CCNL1: variants seen among roughly 807,000 people sequenced by gnomAD.
CCNL1 encodes the protein cyclin L1.
In CCNL1, 13 loss-of-function variants were observed where a neutral mutation model predicts 60.6. The observed-to-expected ratio is 0.21, with a 90% confidence interval of 0.14 to 0.34. CCNL1 has a LOEUF of 0.34. Ranked by LOEUF, CCNL1 falls within the 10% of genes least tolerant of loss-of-function variation. The pLI, the probability that CCNL1 is intolerant of heterozygous loss-of-function variation, is 1.00. For missense variants in CCNL1, 481 were observed against 664.3 expected (o/e 0.72, Z 3.03); for synonymous variants, 270 against 244.3 (o/e 1.10, Z -0.98).
intron 10 of CCNL1, 75 bp downstream of exon 10, chr3:157,149,212 T>C (rs1737983584): frequency 8.3e-7 from 1 of 1,198,182 alleles, no homozygotes; most frequent in South Asian, 1.3e-5. Context: ...TAATCTATGT[T>C]CAATTTTTAA....
At position 157,158,963 on chromosome 3, in the gene CCNL1, C is replaced by A. The variant is rs1199261437; in HGVS notation, c.391G>T (p.Ala131Ser). 3.1e-6 allele frequency: 5 copies of A among 1,609,872 alleles called. No individual in the cohort carries two copies. In the East Asian group the frequency reaches 6.7e-5, roughly 22 times the overall value. The change falls in exon 3 of 11, where the codon GCT (alanine) becomes TCT (serine). Residue 131 changes from alanine (A) to serine (S), a missense_variant. Physicochemically the swap from Ala to Ser is moderately conservative, Grantham distance 99. Transcript: ENST00000295926. Reference protein sequence around the residue: ...VKHSFEIVAMACINLASKIEE... With the variant: ...VKHSFEIVAMSCINLASKIEE... ...ATTTTTGATGCAAGATTAATACAAG[C>A]CATAGCAACAATCTGAAAGAACCCA...
At chr3:157,146,483 CAAAGATTAGGGACATAAGT>C, downstream of CCNL1, 1 of 445,292 alleles carries the variant, frequency 2.2e-6, no homozygotes, top group Non-Finnish European at 4.5e-6. Context: ...TATTTCCAAG[CAAAGATTAGGGACATAAGT>C]AATTTCAACA....
intron 3 of CCNL1, 51 bp downstream of exon 3, chr3:157,158,815 G>T: frequency 1.7e-6 from 2 of 1,151,872 alleles, no homozygotes; most frequent in Non-Finnish European, 2.6e-6. Flanking sequence ...GATGACTGGT[G>T]CACGGTACAG....
chr3:157,148,374 T>C lies in CCNL1; in HGVS notation c.1448A>G (p.Asp483Gly). 6.2e-7 allele frequency: 1 copy of C among 1,614,220 alleles called. No homozygotes were observed. Among genetic ancestry groups the C allele is most frequent in the Non-Finnish European group, 8.5e-7 (1 of 1,180,038 alleles). Residue 483 changes from aspartate to glycine, a missense_variant, in exon 11 of 11, where the codon GAT becomes GGT. Coordinates refer to ENST00000295926, the MANE Select transcript of CCNL1 (RefSeq NM_020307.4). ...TTCATGCCTGTGTTTCTTGGCTGCA[T>C]CTGAGTGATCCCGAGACTTGCTCTG... is the stretch of plus-strand genomic sequence containing the variant. ...RSQSKSRDHS[D>G]AAKKHRHERG...
In CCNL1 at chr3:157,148,292, T is replaced by C. The variant is rs761969024; in HGVS notation, c.1530A>G (p.Lys510=). The part of the protein sequence containing the change: ...ERSRSFERSH[K]SKHHGGSRSG... Reference sequence around the variant, plus strand: ...AGCGACTGCCACCATGGTGCTTGCTTTTATGGGACCTCTCAAAGGAGCGAG... The same window carrying C: ...AGCGACTGCCACCATGGTGCTTGCTCTTATGGGACCTCTCAAAGGAGCGAG... Residue 510 remains lysine (K), a synonymous_variant, in exon 11 of 11, where the codon AAA becomes AAG. Transcript: ENST00000295926. The C allele has an allele frequency of 1.2e-6, 2 of 1,614,192 alleles. No individual in the cohort carries two copies. The highest frequency in any genetic ancestry group is 2.2e-5 in the South Asian group (2 of 91,082).
downstream of CCNL1, among the ~76,000 whole-genome samples, chr3:157,143,698 C>A (rs181778335): frequency 5.9e-5 from 9 of 152,230 alleles, no homozygotes; most frequent in African/African-American, 2.2e-4. Context: ...GAGAGGCTTA[C>A]TTAGAAGGGG....
downstream of CCNL1, among the ~76,000 whole-genome samples, chr3:157,144,416 G>GTT (rs1305958086): frequency 1.3e-5 from 2 of 152,216 alleles, no homozygotes; most frequent in African/African-American, 4.8e-5. Flanking sequence ...ACAAAATGTT[G>GTT]TAAGGGCCAG....
chr3:157,159,855 CGTCTCACTGGGCAG>C lies in CCNL1; in HGVS notation c.226_239del (p.Leu76GlyfsTer54), dbSNP rs1560204340. 6.4e-7 allele frequency: 1 copy of C among 1,574,508 alleles called. No individual in the cohort carries two copies. Among genetic ancestry groups the C allele is most frequent in the South Asian group, 1.2e-5 (1 of 86,454 alleles). ...GCTCGCAGCCCAGGATGCGTAAGTC[CGTCTCACTGGGCAG>C]GTCGAGCCCATCCTGCATGGATGGG... On this transcript the variant is annotated frameshift_variant, in exon 1 of 11. Transcript: ENST00000295926. LOFTEE classifies it high-confidence loss of function.
At chr3:157,150,687 A>T in intron 5 of CCNL1, 1 of 1,067,186 alleles carries the variant, frequency 9.4e-7, no homozygotes, top group South Asian at 3.5e-5. Flanking sequence ...TGCTTTTCAA[A>T]GTCAATTCTG....
At chr3:157,159,531 A>G (rs1488453094) in intron 1 of CCNL1, 52 bp from the exon 2 acceptor site, 23 of 1,516,732 alleles carry the variant, frequency 1.5e-5, no homozygotes, top group Non-Finnish European at 2.1e-5. Context: ...GGCCCGCTCC[A>G]GGCGCCGCCG....
chr3:157,159,514 T>TCAGGCGGGCCCGCTCCAGGCGC, intron 1 of CCNL1, 35 bp from the exon 2 acceptor site: 1 of 1,586,026 alleles, frequency 6.3e-7, no homozygotes, highest in Non-Finnish European at 8.6e-7. Flanking sequence ...AGCGCAGGGG[T>TCAGGCGGGCCCGCTCCAGGCGC]CAGGCGGGCC....
At chr3:157,146,359 C>A, downstream of CCNL1, 1 of 260,390 alleles carries the variant, frequency 3.8e-6, no homozygotes, top group Non-Finnish European at 7.7e-6. Flanking sequence ...AGATCTTTGC[C>A]TAGCCCACAA....
At position 157,158,930 on chromosome 3, in the gene CCNL1, C is replaced by T; in HGVS notation, c.424G>A (p.Ala142Thr). Residue 142 changes from alanine to threonine, a missense_variant, in exon 3 of 11, where the codon GCA becomes ACA. By Grantham distance (58) the Ala-to-Thr change is moderately conservative (BLOSUM62 0). This residue lies in a region of CCNL1 where 130 missense variants were observed against 174.5 expected (regional missense o/e 0.75). Transcript: ENST00000295926. ...CINLASKIEE[A>T]PRRIRDVINV... The stretch of plus-strand genomic sequence containing the variant: ...ATCACATCTCTTATTCTTCTAGGTG[C>T]TTCTTCGATTTTTGATGCAAGATTA... 1.9e-6 allele frequency: 3 copies of T among 1,613,544 alleles called. No individual in the cohort carries two copies. The highest frequency in any genetic ancestry group is 2.5e-6 in the Non-Finnish European group (3 of 1,179,804).
At chr3:157,143,666 T>C (rs1179779965), downstream of CCNL1, among the ~76,000 whole-genome samples, 1 of 152,110 alleles carries the variant, frequency 6.6e-6, no homozygotes, top group Non-Finnish European at 1.5e-5. Flanking sequence ...GGCTAAGGGA[T>C]AGAATATGAT....
Position 157,160,015 on chromosome 3 carries a change from G to A in CCNL1, c.80C>T (p.Ser27Phe), listed in dbSNP as rs1197860380. The change falls in exon 1 of 11, where the codon TCC becomes TTC. Residue 27 changes from serine (S) to phenylalanine (F), a missense_variant. Ser to Phe is a radical substitution (Grantham distance 155). Around this residue, in one of 5 missense-constraint regions of CCNL1, gnomAD observed 65 missense variants for 57.5 expected, o/e 1.13. Transcript: ENST00000295926. ...SAAPSAGGSS[S>F]GTTTTTTTTT... ...GGTCGTCGTCGTGGTCGTCGTCCCG[G>A]AGCTGGAGCCGCCCGCGCTTGGGGC... 6.4e-7 allele frequency: 1 copy of A among 1,571,532 alleles called. No individual in the cohort carries two copies. Among genetic ancestry groups the A allele is most frequent in the East Asian group, 2.4e-5 (1 of 42,444 alleles).
intron 5 of CCNL1, chr3:157,151,375 C>G: frequency 1.0e-6 from 1 of 985,858 alleles, no homozygotes; most frequent in Non-Finnish European, 1.2e-6. Flanking sequence ...TAAGCCAGCA[C>G]TCCAAATCAC....
chr3:157,145,579 A>C (rs1737763092), downstream of CCNL1, among the ~76,000 whole-genome samples: 1 of 152,028 alleles, frequency 6.6e-6, no homozygotes, highest in South Asian at 2.1e-4. Flanking sequence ...CAGAGAACAG[A>C]GGGAAAAACA....
rs536910901 is a variant in CCNL1, at chr3:157,155,673, A to G, written c.489-2517T>C. ...AGATTACTTTGTATCATAAATTTAA[A>G]AAATATATCTCCATCAATCAGCAGT... On this transcript the variant is annotated intron_variant, in intron 3 of 10. Coordinates refer to ENST00000295926, the MANE Select transcript of CCNL1 (RefSeq NM_020307.4). 2.0e-5 allele frequency among the ~76,000 whole-genome samples: 3 copies of G among 152,280 alleles called. No individual in the cohort carries two copies. The East Asian group carries it at 5.8e-4, about 29-fold the overall frequency.
downstream of CCNL1, among the ~76,000 whole-genome samples, chr3:157,143,965 A>G (rs1415290177): frequency 1.3e-5 from 2 of 152,196 alleles, no homozygotes; most frequent in Non-Finnish European, 2.9e-5. Flanking sequence ...CCTACTCTTC[A>G]AAGAAAGGAT....
Sources: allele counts gnomAD v4.1 joint callset (sites outside exome capture counted in the v4.1 genomes callset), GRCh38; gene constraint gnomAD v4.1.1; regional missense constraint gnomAD v4.1.1; transcripts MANE v1.5; gene names NCBI Gene and HGNC (gene_info 2026-07-23, HGNC 2026-07-21).